The following RADX variants were observed in gnomAD, a reference collection of about 807,000 sequenced individuals.
RADX encodes the protein RPA-related protein RADX.
RADX carries 36 observed loss-of-function variants against 61.6 expected under a neutral mutation model. That is an observed-to-expected ratio of 0.58 (90% CI 0.45 to 0.77). The LOEUF (loss-of-function observed/expected upper bound fraction) is 0.77, where lower values mean the gene tolerates loss of function less well. Ranked by LOEUF, RADX falls within the 30% of genes least tolerant of loss-of-function variation. The probability of loss-of-function intolerance (pLI) is 0.00; values close to 1 mark genes in which losing one functional copy is unlikely to be tolerated. For missense variants in RADX, 497 were observed against 651.1 expected, an observed-to-expected ratio of 0.76 and a Z score of 2.58; for synonymous variants, 272 against 237.9, an observed-to-expected ratio of 1.14 and a Z score of -1.32.
chrX:106,641,251 A>G (rs1927505808), intron 10 of RADX, among the ~76,000 whole-genome samples: 1 of 109,914 alleles, frequency 9.1e-6, no homozygotes, highest in Non-Finnish European at 1.9e-5. Flanking sequence ...TTGTGGGGAC[A>G]CAATTTAACC....
In RADX at chrX:106,654,626, C is replaced by T. The variant is rs1195330157; in HGVS notation, c.1978+6240C>T. ...TAACTCAAGATGGATTAGACTTAAA[C>T]GTAAGACCTAAATCCATAAAAACCC... On this transcript the variant is annotated intron_variant, in intron 11 of 13. Coordinates refer to ENST00000372548, the MANE Select transcript of RADX (RefSeq NM_018015.6). Among the ~76,000 whole-genome samples the T allele has an allele frequency of 5.4e-5, 6 of 111,335 alleles. No homozygotes were observed. In the South Asian group the frequency reaches 1.1e-3, roughly 21 times the overall value.
At chrX:106,669,351 T>C in intron 13 of RADX, 21 bp downstream of exon 13, 2 of 1,108,775 alleles carry the variant, frequency 1.8e-6, no homozygotes, top group African/African-American at 4.1e-5. Flanking sequence ...CTCAGTGTTC[T>C]TTTCACTCAG....
intron 13 of RADX, among the ~76,000 whole-genome samples, chrX:106,676,966 T>G (rs1245351712): frequency 8.9e-6 from 1 of 112,081 alleles, no homozygotes; most frequent in African/African-American, 3.2e-5. Flanking sequence ...TCTCAGCTTC[T>G]TCCTGCCCAG....
chrX:106,640,305 A>T (rs1173449050), intron 9 of RADX: 1 of 270,882 alleles, frequency 3.7e-6, no homozygotes. Flanking sequence ...TACTATTTAT[A>T]TGGAAATAAG....
At chrX:106,662,369 G>A (rs761441322) in intron 12 of RADX, 64 bp downstream of exon 12, 38 of 1,036,800 alleles carry the variant, frequency 3.7e-5, no homozygotes, top group African/African-American at 3.1e-4. Context: ...CTACTATTTC[G>A]CTTTAAAAAT....
intron 12 of RADX, among the ~76,000 whole-genome samples, chrX:106,663,374 G>C (rs113110275): frequency 9.0e-6 from 1 of 111,294 alleles, no homozygotes; most frequent in South Asian, 3.7e-4. Context: ...GACAATCACA[G>C]ACCTAAGTTT....
chrX:106,656,484 A>G, intron 11 of RADX, among the ~76,000 whole-genome samples: 1 of 112,118 alleles, frequency 8.9e-6, no homozygotes, highest in Middle Eastern at 4.7e-3. Context: ...AATTTCCAGG[A>G]GGTTTTCAGT....
chrX:106,613,988 T>C (rs758858218), intron 1 of RADX, among the ~76,000 whole-genome samples: 2 of 112,032 alleles, frequency 1.8e-5, no homozygotes, highest in Non-Finnish European at 3.8e-5. Flanking sequence ...ATATTTATAA[T>C]ACAAAAGGCA....
In RADX at chrX:106,661,980, G is replaced by C. The variant is rs369347218; in HGVS notation, c.1979-35G>C. The C allele has an allele frequency of 3.5e-6, 4 of 1,157,539 alleles. No homozygotes were observed. In the African/African-American group the frequency reaches 5.4e-5, roughly 16 times the overall value. On this transcript the variant is annotated intron_variant, in intron 11 of 13. Transcript: ENST00000372548. ...AATGACTTGATTTGATTAGTTTATA[G>C]ATCAATTGTGTCTATCTCCTTGTGT...
chrX:106,616,041 TAA>T (rs1337568859), intron 1 of RADX, among the ~76,000 whole-genome samples: 1 of 111,651 alleles, frequency 9.0e-6, no homozygotes, highest in East Asian at 2.8e-4. Context: ...AAAGACTTAG[TAA>T]AATTCCTCTC....
intron 1 of RADX, among the ~76,000 whole-genome samples, chrX:106,614,269 T>A (rs1038278346): frequency 3.6e-5 from 4 of 111,544 alleles, no homozygotes; most frequent in South Asian, 3.7e-4. Context: ...TGTATTTTTT[T>A]AAAAAAAAGG....
At chrX:106,620,646 C>T (rs928107789) in intron 1 of RADX, among the ~76,000 whole-genome samples, 3 of 110,590 alleles carry the variant, frequency 2.7e-5, no homozygotes, top group Non-Finnish European at 5.7e-5. Flanking sequence ...AGCACTCCAG[C>T]CTGAGCAACA....
At chrX:106,622,559 T>A (rs778436554) in intron 1 of RADX, 92 bp from the exon 2 acceptor site, 1 of 773,342 alleles carries the variant, frequency 1.3e-6, no homozygotes, top group African/African-American at 2.1e-5. Flanking sequence ...ACTTTAGGTA[T>A]GATCAAGCTA....
chrX:106,624,273 A>G (rs762434078), intron 2 of RADX, among the ~76,000 whole-genome samples: 3 of 111,315 alleles, frequency 2.7e-5, no homozygotes, highest in East Asian at 5.7e-4. Flanking sequence ...GGACCCCACT[A>G]TATGCCCTTA....
At chrX:106,640,132 G>C (rs1348202846) in intron 9 of RADX, among the ~76,000 whole-genome samples, 2 of 109,822 alleles carry the variant, frequency 1.8e-5, no homozygotes, top group Non-Finnish European at 3.8e-5. Context: ...TTCATAGGAA[G>C]TTTTCTCTAT....
intron 1 of RADX, among the ~76,000 whole-genome samples, chrX:106,616,193 G>A (rs1490188573): frequency 9.0e-6 from 1 of 111,060 alleles, no homozygotes; most frequent in Non-Finnish European, 1.9e-5. Flanking sequence ...TAATTCACTA[G>A]GAAAACTCAT....
chrX:106,656,799 C>G (rs749106315), intron 11 of RADX, among the ~76,000 whole-genome samples: 1 of 111,649 alleles, frequency 9.0e-6, no homozygotes, highest in Non-Finnish European at 1.9e-5. Context: ...GTAAACCATA[C>G]TATAAACAGA....
chrX:106,631,904 G>A (rs1344368886), intron 3 of RADX, among the ~76,000 whole-genome samples: 1 of 111,314 alleles, frequency 9.0e-6, no homozygotes, highest in African/African-American at 3.3e-5. Flanking sequence ...GGTTTGGAGA[G>A]GATGTGTATC....
rs1311545679 is a variant in RADX, at chrX:106,633,167, C to T, written c.1218C>T (p.His406=). 2.5e-6 allele frequency: 3 copies of T among 1,202,000 alleles called. No homozygotes were observed. The South Asian group carries it at 5.3e-5, about 21-fold the overall frequency. Residue 406 remains histidine, a synonymous_variant, in exon 6 of 14, where the codon CAC becomes CAT. Coordinates refer to ENST00000372548, the MANE Select transcript of RADX (RefSeq NM_018015.6). The part of the protein sequence containing the change: ...REDFWSYRWI[H]IADGTSEQPF... ...ATTTTTGGTCATATCGCTGGATTCA[C>T]ATTGCTGACGGTACTTCAGAACAAC...
Sources: gnomAD v4.1 joint callset for allele counts (sites outside exome capture counted in the v4.1 genomes callset) on GRCh38, gnomAD v4.1.1 for gene constraint, MANE v1.5 for transcripts, NCBI Gene and HGNC (gene_info 2026-07-23, HGNC 2026-07-21) for gene names.